The following ADAMTS12 variants were observed in gnomAD, a reference collection of about 807,000 sequenced individuals.
The protein encoded by ADAMTS12 is A disintegrin and metalloproteinase with thrombospondin motifs 12.
In ADAMTS12, 118 loss-of-function variants were observed where a neutral mutation model predicts 167.8. The ratio of observed to expected loss-of-function variants is 0.70; its 90% CI spans 0.61 to 0.82. The LOEUF (loss-of-function observed/expected upper bound fraction) is 0.82. ADAMTS12 is among the 40% of genes least tolerant of loss of function. The probability of loss-of-function intolerance (pLI) is 0.00; values close to 1 mark genes in which losing one functional copy is unlikely to be tolerated. For synonymous variants in ADAMTS12, 704 were observed against 716.9 expected (o/e 0.98, Z 0.29); for missense variants, 1,916 against 1,998.8 (o/e 0.96, Z 0.79).
At chr5:33,790,677 G>T (rs900613916) in intron 2 of ADAMTS12, among the ~76,000 whole-genome samples, 18 of 148,996 alleles carry the variant, frequency 1.2e-4, no homozygotes, top group African/African-American at 4.4e-4. Context: ...TTATTAAAGT[G>T]TGTGTGTGTG....
intron 7 of ADAMTS12, among the ~76,000 whole-genome samples, chr5:33,656,564 T>C (rs552624718): frequency 1.6e-4 from 24 of 152,306 alleles, no homozygotes; most frequent in African/African-American, 5.8e-4. Context: ...ACACAAAAAG[T>C]GAGGATTCGA....
intron 1 of ADAMTS12, among the ~76,000 whole-genome samples, chr5:33,884,112 C>T (rs75810312): frequency 0.015 from 2,299 of 152,320 alleles, 34 homozygotes; most frequent in Non-Finnish European, 0.026. Context: ...TCAGTGTCCA[C>T]ATGCTGACTG....
intron 7 of ADAMTS12, among the ~76,000 whole-genome samples, chr5:33,653,177 A>G (rs1029081785): frequency 1.3e-5 from 2 of 152,080 alleles, no homozygotes; most frequent in Admixed American, 1.3e-4. Context: ...GATGTTCTTT[A>G]TCAAGTTGAG....
intron 5 of ADAMTS12, among the ~76,000 whole-genome samples, chr5:33,669,356 G>A (rs935068684): frequency 6.6e-6 from 1 of 152,134 alleles, no homozygotes; most frequent in Non-Finnish European, 1.5e-5. Flanking sequence ...CCATGAGGAT[G>A]TTGCCCATGG....
chr5:33,602,405 G>C (rs1160291654), intron 16 of ADAMTS12, among the ~76,000 whole-genome samples: 1 of 152,054 alleles, frequency 6.6e-6, no homozygotes, highest in Admixed American at 6.6e-5. Context: ...CCTCATTCTA[G>C]AGTATCCATC....
At chr5:33,649,425 C>T in intron 8 of ADAMTS12, 129 bp downstream of exon 8, 1 of 1,192,972 alleles carries the variant, frequency 8.4e-7, no homozygotes, top group Non-Finnish European at 1.2e-6. Flanking sequence ...CTTCTGATGC[C>T]ACCCTGACAT....
chr5:33,847,323 T>A (rs77483196), intron 2 of ADAMTS12, among the ~76,000 whole-genome samples: 2 of 152,048 alleles, frequency 1.3e-5, no homozygotes, highest in African/African-American at 4.8e-5. Flanking sequence ...AGGACACTAA[T>A]AAAAAACAGG....
chr5:33,793,512 A>G (rs1746654829), intron 2 of ADAMTS12, among the ~76,000 whole-genome samples: 2 of 152,242 alleles, frequency 1.3e-5, no homozygotes, highest in Admixed American at 1.3e-4. Context: ...TGGGCTATAA[A>G]TATCGACATA....
At chr5:33,634,784 AAAAAC>A (rs1740112026) in intron 12 of ADAMTS12, among the ~76,000 whole-genome samples, 1 of 152,186 alleles carries the variant, frequency 6.6e-6, no homozygotes, top group African/African-American at 2.4e-5. Flanking sequence ...AGAAAGGTAT[AAAAAC>A]AAAAGTAGAA....
At chr5:33,835,955 GTGT>G (rs1748507620) in intron 2 of ADAMTS12, among the ~76,000 whole-genome samples, 2 of 26,748 alleles carry the variant, frequency 7.5e-5, no homozygotes. Flanking sequence ...CTCTCTCTCT[GTGT>G]GTGTGTGTGT....
intron 3 of ADAMTS12, among the ~76,000 whole-genome samples, chr5:33,708,728 T>G (rs1051411759): frequency 6.6e-6 from 1 of 152,034 alleles, no homozygotes; most frequent in Non-Finnish European, 1.5e-5. Flanking sequence ...TTCTCACTTA[T>G]AAGTGGGAGT....
rs1308437730 is a variant in ADAMTS12, at chr5:33,660,021, T to C, written c.1041-1688A>G. Among the ~76,000 whole-genome samples the C allele has an allele frequency of 6.6e-5, 10 of 152,292 alleles. 1 individual carries two copies. The South Asian group carries it at 2.1e-3, about 32-fold the overall frequency. On this transcript the variant is annotated intron_variant, in intron 6 of 23. Transcript: ENST00000504830. Reference sequence around the variant, plus strand: ...TGACATCTCATGGGTAGAGGCCAGATATGCTGCTAAATATCTTACAATGCA... The same window carrying C: ...TGACATCTCATGGGTAGAGGCCAGACATGCTGCTAAATATCTTACAATGCA...
chr5:33,671,618 T>C (rs1336153174), intron 5 of ADAMTS12, among the ~76,000 whole-genome samples: 1 of 152,156 alleles, frequency 6.6e-6, no homozygotes, highest in African/African-American at 2.4e-5. Context: ...ACTGATTATA[T>C]GTGAGAACTC....
At chr5:33,632,649 A>G (rs1740002700) in intron 12 of ADAMTS12, among the ~76,000 whole-genome samples, 1 of 152,168 alleles carries the variant, frequency 6.6e-6, no homozygotes, top group African/African-American at 2.4e-5. Context: ...GCAAACTGGA[A>G]TAGAAGTACT....
chr5:33,729,317 A>G (rs944363650), intron 3 of ADAMTS12, among the ~76,000 whole-genome samples: 4 of 152,234 alleles, frequency 2.6e-5, no homozygotes, highest in South Asian at 4.1e-4. Flanking sequence ...CAAAGAAAAT[A>G]TTTGATTGGT....
intron 5 of ADAMTS12, among the ~76,000 whole-genome samples, chr5:33,666,944 C>T (rs1467466347): frequency 6.6e-6 from 1 of 152,168 alleles, no homozygotes; most frequent in Non-Finnish European, 1.5e-5. Flanking sequence ...TATGGCTTAT[C>T]AATCACTTCC....
chr5:33,681,931 A>C (rs916780092), intron 5 of ADAMTS12, among the ~76,000 whole-genome samples: 2 of 152,204 alleles, frequency 1.3e-5, no homozygotes, highest in South Asian at 2.1e-4. Context: ...TCTAAAAAAA[A>C]CCCAGAAAGA....
At chr5:33,541,625 C>A (rs1744700479) in intron 22 of ADAMTS12, among the ~76,000 whole-genome samples, 1 of 152,214 alleles carries the variant, frequency 6.6e-6, no homozygotes, top group Non-Finnish European at 1.5e-5. Flanking sequence ...ATCACACTAA[C>A]AGTGGCTGAC....
At chr5:33,662,957 T>G (rs1439424904) in intron 5 of ADAMTS12, among the ~76,000 whole-genome samples, 3 of 152,194 alleles carry the variant, frequency 2.0e-5, no homozygotes, top group Non-Finnish European at 2.9e-5. Flanking sequence ...GTCCAAGAAC[T>G]TCAGGACAGT....
Sources: allele counts gnomAD v4.1 joint callset (sites outside exome capture counted in the v4.1 genomes callset), GRCh38; gene constraint gnomAD v4.1.1; transcripts MANE v1.5; gene names NCBI Gene and HGNC (gene_info 2026-07-23, HGNC 2026-07-21).